The following BANP variants were observed in gnomAD, a reference collection of about 807,000 sequenced individuals.
The protein encoded by BANP is BTG3 associated nuclear protein.
In BANP, 11 loss-of-function variants were observed where a neutral mutation model predicts 68.1. The ratio of observed to expected loss-of-function variants is 0.16; its 90% CI spans 0.10 to 0.27. The LOEUF is 0.27. Among genes scored for constraint, BANP ranks in the 10% least tolerant of loss-of-function variants. The pLI, the probability that BANP is intolerant of heterozygous loss-of-function variation, is 1.00. For missense variants in BANP, 504 were observed against 722.7 expected (o/e 0.70, Z 3.47); for synonymous variants, 329 against 303.2 (o/e 1.09, Z -0.88).
At chr16:87,967,131 G>A (rs1223973311) in intron 1 of BANP, among the ~76,000 whole-genome samples, 1 of 152,208 alleles carries the variant, frequency 6.6e-6, no homozygotes, top group Non-Finnish European at 1.5e-5. Flanking sequence ...AGCTGTCGTG[G>A]GCTCTTCCGT....
At chr16:88,020,960 G>A (rs1176552113) in intron 7 of BANP, among the ~76,000 whole-genome samples, 1 of 152,210 alleles carries the variant, frequency 6.6e-6, no homozygotes, top group African/African-American at 2.4e-5. Flanking sequence ...GGGAGTCCAT[G>A]TAGGGCGGTG....
chr16:87,995,502 C>A (rs1230373005), intron 4 of BANP, among the ~76,000 whole-genome samples: 1 of 152,094 alleles, frequency 6.6e-6, no homozygotes, highest in African/African-American at 2.4e-5. Context: ...TTCTTTTTAC[C>A]TGGCTGTTGT....
chr16:87,957,514 C>T lies in BANP; in HGVS notation c.-69+5999C>T, dbSNP rs1283157194. 6.6e-6 allele frequency among the ~76,000 whole-genome samples: 1 copy of T among 152,222 alleles called. No individual in the cohort carries two copies. The highest frequency in any genetic ancestry group is 1.5e-5 in the Non-Finnish European group (1 of 68,034). ...ACCTGGGGCGGTTTTGAGGCAAGCT[C>T]ACGGAGGCCTGCCGCAGGGCCCTGC... is the stretch of plus-strand genomic sequence containing the variant. On this transcript the variant is annotated intron_variant, in intron 1 of 13. Coordinates refer to ENST00000682872, the MANE Select transcript of BANP (RefSeq NM_001386991.1). The surrounding 1 kb of genome is among the most constrained non-coding windows in gnomAD (Gnocchi z 4.3).
At chr16:88,072,623 C>A (rs535526610) in intron 13 of BANP, among the ~76,000 whole-genome samples, 1 of 152,362 alleles carries the variant, frequency 6.6e-6, no homozygotes, top group East Asian at 1.9e-4. Flanking sequence ...GTGGCCCTAG[C>A]GTCCACGAAA....
chr16:88,017,353 T>A (rs944067192), intron 6 of BANP: 2 of 152,478 alleles, frequency 1.3e-5, no homozygotes, highest in African/African-American at 4.8e-5. Context: ...AGCCTCACTT[T>A]GGTTCAACTT....
At chr16:88,020,398 T>TGG (rs2075784317) in intron 7 of BANP, among the ~76,000 whole-genome samples, 1 of 152,250 alleles carries the variant, frequency 6.6e-6, no homozygotes. Flanking sequence ...CGTGATGTGC[T>TGG]TCCAGCTTGA....
At chr16:88,024,176 G>A (rs772066785) in intron 7 of BANP, among the ~76,000 whole-genome samples, 68 of 152,196 alleles carry the variant, frequency 4.5e-4, no homozygotes, top group Non-Finnish European at 7.6e-4. Context: ...GGGGCTGTGC[G>A]TGTTCTTCCC....
upstream of BANP, among the ~76,000 whole-genome samples, chr16:87,949,917 G>A (rs1291195409): frequency 6.9e-6 from 1 of 144,604 alleles, no homozygotes. Context: ...TCGTTCTGCT[G>A]CCCAGGCTGG....
intron 7 of BANP, among the ~76,000 whole-genome samples, chr16:88,022,375 C>T (rs574495664): frequency 3.3e-5 from 5 of 152,320 alleles, no homozygotes; most frequent in African/African-American, 1.2e-4. Context: ...CTGTGGATGG[C>T]CGATCCCCAT....
chr16:88,034,956 G>C (rs1455718590), intron 9 of BANP: 1 of 181,530 alleles, frequency 5.5e-6, no homozygotes, highest in African/African-American at 2.4e-5. Context: ...GCATGATGAA[G>C]TCTGGTCGTC....
At chr16:88,072,233 C>T (rs1332841252) in intron 13 of BANP, 21 bp downstream of exon 13, 18 of 1,596,926 alleles carry the variant, frequency 1.1e-5, no homozygotes, top group Admixed American at 3.4e-5. Flanking sequence ...GGCCCCGCGC[C>T]GGGACACTGA....
At chr16:88,046,789 G>A (rs1190974120) in intron 11 of BANP, among the ~76,000 whole-genome samples, 2 of 152,032 alleles carry the variant, frequency 1.3e-5, no homozygotes, top group Non-Finnish European at 2.9e-5. Flanking sequence ...CATGTTGGCC[G>A]GGCACGGTGC....
chr16:88,049,412 T>C (rs150293415), intron 11 of BANP, among the ~76,000 whole-genome samples: 11 of 152,296 alleles, frequency 7.2e-5, no homozygotes, highest in Middle Eastern at 6.8e-3. Context: ...GGCACCATCC[T>C]CCAGGACCTG....
rs372847394 is a variant in BANP, at chr16:88,037,911, G to A, written c.1273-62G>A. Reference sequence around the variant, plus strand: ...TGTGATGTGTCTTGGCGTGTTTGCCGTGTCTGAGGGTGTCTTGGTGTGTTT... The same window carrying A: ...TGTGATGTGTCTTGGCGTGTTTGCCATGTCTGAGGGTGTCTTGGTGTGTTT... On this transcript the variant is annotated intron_variant, in intron 10 of 13. Transcript: ENST00000682872. 421 of 1,523,700 alleles carry A rather than the reference G, an allele frequency of 2.8e-4. 3 individuals are homozygous for A. In the Middle Eastern group the frequency reaches 3.6e-3, roughly 13 times the overall value. The allele number at this position is 1,523,700 out of a possible 1,614,324, so 94.4% of individuals were successfully genotyped here. A position where few individuals can be genotyped will look rare whatever the true frequency, so the allele number is the denominator to read the frequency against.
In BANP at chr16:88,002,994, T is replaced by C. The variant is rs965536295; in HGVS notation, c.363-1301T>C. On this transcript the variant is annotated intron_variant, in intron 4 of 13. Coordinates refer to ENST00000682872, the MANE Select transcript of BANP (RefSeq NM_001386991.1). This position sits in a 1 kb window ranked among gnomAD's most constrained non-coding sequence, Gnocchi z 4.6. ...GGATCCCGGGGCCACCAGTGTTCCA[T>C]AGCCTCCACTTGGGGAACATACCAA... 1.3e-5 allele frequency among the ~76,000 whole-genome samples: 2 copies of C among 152,122 alleles called. No homozygotes were observed. The highest frequency in any genetic ancestry group is 4.8e-5 in the African/African-American group (2 of 41,416).
intron 4 of BANP, among the ~76,000 whole-genome samples, chr16:87,994,116 C>G (rs540226917): frequency 6.6e-6 from 1 of 150,780 alleles, no homozygotes; most frequent in Non-Finnish European, 1.5e-5. Flanking sequence ...CGGTGTGCTG[C>G]GGTGCACTGT....
At chr16:88,029,748 A>G (rs931337596) in intron 8 of BANP, among the ~76,000 whole-genome samples, 1 of 152,244 alleles carries the variant, frequency 6.6e-6, no homozygotes, top group Non-Finnish European at 1.5e-5. Flanking sequence ...TAGACAAGCA[A>G]CAGCACAGGA....
At chr16:87,978,604 T>G in intron 2 of BANP, 1 of 470,074 alleles carries the variant, frequency 2.1e-6, no homozygotes, top group African/African-American at 2.0e-5. Context: ...GCTCCCTGCC[T>G]GTGAGGAGTC....
chr16:88,043,542 T>C (rs989579881), intron 11 of BANP, among the ~76,000 whole-genome samples: 2 of 152,226 alleles, frequency 1.3e-5, no homozygotes, highest in Non-Finnish European at 2.9e-5. Context: ...GGCATGAAGA[T>C]CAAATGATAT....
Sources: gnomAD v4.1 joint callset for allele counts (sites outside exome capture counted in the v4.1 genomes callset) on GRCh38, gnomAD v4.1.1 for gene constraint, Gnocchi (gnomAD v3.1) non-coding constraint, MANE v1.5 for transcripts, NCBI Gene and HGNC (gene_info 2026-07-23, HGNC 2026-07-21) for gene names.